Variants in PCDHA12 observed in about 807,000 individuals in gnomAD.
PCDHA12 encodes the protein protocadherin alpha-12.
PCDHA12 carries 44 observed loss-of-function variants against 60.0 expected under a neutral mutation model. The ratio of observed to expected loss-of-function variants is 0.73; its 90% CI spans 0.58 to 0.94. PCDHA12 has a LOEUF of 0.94. Among genes scored for constraint, PCDHA12 ranks in the 40% least tolerant of loss-of-function variants. PCDHA12 has a pLI of 0.00. For missense variants in PCDHA12, 1,276 were observed against 1,239.7 expected (o/e 1.03, Z -0.44); for synonymous variants, 569 against 553.0 (o/e 1.03, Z -0.40).
At chr5:140,900,498 A>G (rs1554189212) in intron 1 of PCDHA12, among the ~76,000 whole-genome samples, 1 of 152,172 alleles carries the variant, frequency 6.6e-6, no homozygotes, top group Non-Finnish European at 1.5e-5. Context: ...ACTGGTCTCA[A>G]ATTCCCAGCC....
At chr5:140,896,827 T>G (rs1193967071) in intron 1 of PCDHA12, among the ~76,000 whole-genome samples, 1 of 152,214 alleles carries the variant, frequency 6.6e-6, no homozygotes, top group African/African-American at 2.4e-5. Flanking sequence ...TGTTCATAGT[T>G]GTTTTTATTT....
intron 1 of PCDHA12, among the ~76,000 whole-genome samples, chr5:140,969,974 A>G (rs11750201): frequency 0.017 from 2,514 of 152,228 alleles, 25 homozygotes; most frequent in Middle Eastern, 0.037. Flanking sequence ...TGATGTGGCA[A>G]CTCTTCTGTA....
At chr5:141,008,238 G>A (rs2098366224) in intron 3 of PCDHA12, among the ~76,000 whole-genome samples, 1 of 152,046 alleles carries the variant, frequency 6.6e-6, no homozygotes, top group Admixed American at 6.6e-5. Context: ...TACTGCTCAG[G>A]GACACCAAAT....
At chr5:140,988,014 A>G (rs782358781) in intron 3 of PCDHA12, among the ~76,000 whole-genome samples, 4 of 152,242 alleles carry the variant, frequency 2.6e-5, no homozygotes, top group African/African-American at 7.2e-5. Context: ...GAAAGAAAGC[A>G]TGATTCTTAA....
intron 3 of PCDHA12, among the ~76,000 whole-genome samples, chr5:140,986,555 T>A (rs1554248143): frequency 6.6e-6 from 1 of 152,214 alleles, no homozygotes; most frequent in African/African-American, 2.4e-5. Context: ...GCCAGGCTGC[T>A]TTGTTATCTG....
At chr5:140,969,519 G>T in intron 1 of PCDHA12, 2 of 1,406,074 alleles carry the variant, frequency 1.4e-6, no homozygotes, top group Admixed American at 2.8e-5. Context: ...CTAAAGAATT[G>T]TTTTATTTTT....
At chr5:140,960,306 A>G (rs1554224657) in intron 1 of PCDHA12, among the ~76,000 whole-genome samples, 1 of 152,136 alleles carries the variant, frequency 6.6e-6, no homozygotes, top group African/African-American at 2.4e-5. Context: ...ATCAATACCA[A>G]CCTCATTAGG....
At chr5:140,959,549 A>G (rs1240469168) in intron 1 of PCDHA12, among the ~76,000 whole-genome samples, 1 of 152,248 alleles carries the variant, frequency 6.6e-6, no homozygotes, top group East Asian at 1.9e-4. Flanking sequence ...TGCTGTATAA[A>G]TAGAATCAGT....
chr5:140,958,159 A>T (rs782390357), intron 1 of PCDHA12, among the ~76,000 whole-genome samples: 35 of 152,134 alleles, frequency 2.3e-4, no homozygotes, highest in Non-Finnish European at 4.3e-4. Flanking sequence ...CATAGTCAAA[A>T]GCCTGGAGTG....
At chr5:140,966,836 C>T in intron 1 of PCDHA12, 1 of 1,565,250 alleles carries the variant, frequency 6.4e-7, no homozygotes, top group Non-Finnish European at 8.6e-7. Context: ...GCCCTGGCTG[C>T]TGCTACTGCC....
chr5:140,938,904 C>A (rs1254151220), intron 1 of PCDHA12, among the ~76,000 whole-genome samples: 1 of 152,070 alleles, frequency 6.6e-6, no homozygotes, highest in Admixed American at 6.5e-5. Context: ...TGCGCACACA[C>A]ACACACGCAC....
intron 3 of PCDHA12, among the ~76,000 whole-genome samples, chr5:141,005,407 T>C (rs2098211600): frequency 1.3e-5 from 2 of 151,168 alleles, no homozygotes; most frequent in Admixed American, 1.3e-4. Context: ...ACTTGAAGAG[T>C]GAGGAGTCAT....
chr5:141,002,284 A>T (rs1334096097), intron 3 of PCDHA12, among the ~76,000 whole-genome samples: 1 of 152,180 alleles, frequency 6.6e-6, no homozygotes, highest in Non-Finnish European at 1.5e-5. Flanking sequence ...CAAAGGGATG[A>T]ATGGGGAGCA....
chr5:141,008,329 T>C (rs2098370202), intron 3 of PCDHA12, among the ~76,000 whole-genome samples: 1 of 152,192 alleles, frequency 6.6e-6, no homozygotes, highest in Non-Finnish European at 1.5e-5. Context: ...AAACAGTTTA[T>C]TTGATGGAGC....
At chr5:140,898,466 T>C (rs1331469917) in intron 1 of PCDHA12, among the ~76,000 whole-genome samples, 1 of 152,202 alleles carries the variant, frequency 6.6e-6, no homozygotes, top group Admixed American at 6.5e-5. Context: ...CCATTGCTTG[T>C]TTTTCTCAGG....
At chr5:140,961,271 AC>A (rs1460316643) in intron 1 of PCDHA12, among the ~76,000 whole-genome samples, 1 of 152,208 alleles carries the variant, frequency 6.6e-6, no homozygotes, top group Non-Finnish European at 1.5e-5. Context: ...GCTTCTTTTT[AC>A]CATGGCTCTG....
chr5:140,885,480 A>G (rs782437070), intron 1 of PCDHA12, among the ~76,000 whole-genome samples: 7 of 152,158 alleles, frequency 4.6e-5, no homozygotes, highest in Non-Finnish European at 7.4e-5. Context: ...ACTTTGTGTC[A>G]AGTGTTCTGT....
At chr5:140,882,633 A>G in intron 1 of PCDHA12, 1 of 1,614,220 alleles carries the variant, frequency 6.2e-7, no homozygotes, top group Non-Finnish European at 8.5e-7. Context: ...GTGGAGGTGA[A>G]GGTGAGGGAC....
chr5:140,891,481 C>G (rs2063126797), intron 1 of PCDHA12, among the ~76,000 whole-genome samples: 1 of 151,620 alleles, frequency 6.6e-6, no homozygotes, highest in Admixed American at 6.6e-5. Context: ...CTTTACATCA[C>G]TTTGAGCATA....
Sources: gnomAD v4.1 joint callset for allele counts (sites outside exome capture counted in the v4.1 genomes callset) on GRCh38, gnomAD v4.1.1 for gene constraint, MANE v1.5 for transcripts, NCBI Gene and HGNC (gene_info 2026-07-23, HGNC 2026-07-21) for gene names.